The following TXNDC15 variants were observed in gnomAD, a reference collection of about 807,000 sequenced individuals.
TXNDC15 encodes thioredoxin domain containing 15.
A neutral mutation model predicts 35.0 loss-of-function variants in TXNDC15; 24 were observed. The ratio of observed to expected loss-of-function variants is 0.68; its 90% confidence interval spans 0.50 to 0.96. The LOEUF is 0.96. Ranked by LOEUF, TXNDC15 falls within the 40% of genes least tolerant of loss-of-function variation. The pLI is 0.00. For synonymous variants in TXNDC15, 169 were observed against 174.0 expected (o/e 0.97, Z 0.23); for missense variants, 385 against 453.3 (o/e 0.85, Z 1.37).
intron 4 of TXNDC15, among the ~76,000 whole-genome samples, chr5:134,897,197 G>T (rs1310529703): frequency 6.6e-6 from 1 of 152,084 alleles, no homozygotes; most frequent in Admixed American, 6.6e-5. Flanking sequence ...GCCTCCCAAA[G>T]TGCTGGGATT....
At chr5:134,874,052 C>G (rs935614930), upstream of TXNDC15, 1 of 176,862 alleles carries the variant, frequency 5.7e-6, no homozygotes, top group Non-Finnish European at 1.2e-5. Flanking sequence ...CTGGGCCTTT[C>G]TGGCTCTGGG....
intron 4 of TXNDC15, among the ~76,000 whole-genome samples, chr5:134,897,650 A>T (rs891175071): frequency 6.6e-6 from 1 of 152,236 alleles, no homozygotes; most frequent in Non-Finnish European, 1.5e-5. Flanking sequence ...TATTTACACA[A>T]AGATATGCAT....
chr5:134,891,313 A>C (rs1750383789), intron 2 of TXNDC15, among the ~76,000 whole-genome samples: 1 of 152,220 alleles, frequency 6.6e-6, no homozygotes, highest in Non-Finnish European at 1.5e-5. Flanking sequence ...AAATAATAAG[A>C]GTTAAAAGTT....
intron 1 of TXNDC15, among the ~76,000 whole-genome samples, chr5:134,884,923 C>CTT (rs374868238): frequency 5.4e-5 from 7 of 128,984 alleles, no homozygotes; most frequent in Non-Finnish European, 1.0e-4. Context: ...TATACATATT[C>CTT]TTTTTTTTTT....
In TXNDC15 at chr5:134,893,494, C is replaced by T; in HGVS notation, c.594C>T (p.Asp198=). Residue 198 remains aspartate, a splice_region_variant and synonymous_variant, in exon 3 of 5, where the codon GAC becomes GAT. Coordinates refer to ENST00000358387, the MANE Select transcript of TXNDC15 (RefSeq NM_024715.4). ...AATGCTTGTTTCTTTTACCACAGGA[C>T]CTTATGGATTTTCTGAACCCAAACG... ...FTLKILNMSQ[D]LMDFLNPNGS... 6.2e-7 allele frequency: 1 copy of T among 1,614,170 alleles called. No homozygotes were observed. The highest frequency in any genetic ancestry group is 8.5e-7 in the Non-Finnish European group (1 of 1,180,018).
Position 134,874,514 on chromosome 5 carries a change from C to A in TXNDC15, c.87C>A (p.Pro29=). 1 of 1,601,298 alleles carries A rather than the reference C, an allele frequency of 6.2e-7. No homozygotes were observed. Among genetic ancestry groups the A allele is most frequent in the Non-Finnish European group, 8.5e-7 (1 of 1,176,710 alleles). Reference sequence around the variant, plus strand: ...TATTGCTGTGGGTGCTGGGACTTCCCGTCCGCGGCGTGGAGGGTGAGTGTG... The same window carrying A: ...TATTGCTGTGGGTGCTGGGACTTCCAGTCCGCGGCGTGGAGGGTGAGTGTG... ...WQVLLWVLGL[P]VRGVEVAEES... Residue 29 remains proline (P), a synonymous_variant, in exon 1 of 5, where the codon CCC becomes CCA. Coordinates refer to ENST00000358387, the MANE Select transcript of TXNDC15 (RefSeq NM_024715.4).
At position 134,874,397 on chromosome 5, in the gene TXNDC15, G is replaced by T. The variant is rs948032264; in HGVS notation, c.-31G>T. ...TCCGGCTGGCAGCACGACTCGCGTA[G>T]CCGTGCGCCGATTGCCTCTCGGCCT... On this transcript the variant is annotated 5_prime_UTR_variant, in exon 1 of 5. Transcript: ENST00000358387. 5.1e-6 allele frequency: 8 copies of T among 1,563,824 alleles called. No homozygotes were observed. The highest frequency in any genetic ancestry group is 2.4e-5 in the East Asian group (1 of 40,854).
At chr5:134,883,750 T>TA (rs201517244) in intron 1 of TXNDC15, among the ~76,000 whole-genome samples, 3,024 of 148,560 alleles carry the variant, frequency 0.02, 49 homozygotes, top group Middle Eastern at 0.064. Context: ...CCATCTCTAC[T>TA]AAAAAAATAC....
chr5:134,875,730 C>T (rs560263173), intron 1 of TXNDC15, among the ~76,000 whole-genome samples: 1 of 151,988 alleles, frequency 6.6e-6, no homozygotes, highest in African/African-American at 2.4e-5. Context: ...AGTGCAGTGG[C>T]GCGATCTTGG....
rs776647465 is a variant in TXNDC15, at chr5:134,893,666, T to C, written c.755+11T>C. On this transcript the variant is annotated intron_variant, in intron 3 of 4. Transcript: ENST00000358387. ...ATCTCAGCACAGCAGGTATCTTCCA[T>C]TGGTGGGGTTTACGTCCATCCTCCT... is the stretch of plus-strand genomic sequence containing the variant. 61 of 1,613,862 alleles carry C rather than the reference T, an allele frequency of 3.8e-5. No individual in the cohort carries two copies. Among genetic ancestry groups the C allele is most frequent in the Non-Finnish European group, 4.7e-5 (56 of 1,179,966 alleles).
At chr5:134,877,352 G>T (rs1269361841) in intron 1 of TXNDC15, among the ~76,000 whole-genome samples, 3 of 152,198 alleles carry the variant, frequency 2.0e-5, no homozygotes, top group Admixed American at 6.5e-5. Context: ...GAATGCAGAT[G>T]CATTCACAGG....
intron 4 of TXNDC15, among the ~76,000 whole-genome samples, chr5:134,896,766 C>A (rs1216811920): frequency 6.6e-6 from 1 of 151,006 alleles, no homozygotes; most frequent in African/African-American, 2.4e-5. Context: ...GCCTCAGCCT[C>A]CCGAGTAGCT....
Position 134,893,752 on chromosome 5 carries a change from G to T in TXNDC15, c.755+97G>T, listed in dbSNP as rs1417802438. The T allele has an allele frequency of 7.4e-6, 11 of 1,488,504 alleles. No individual in the cohort carries two copies. In the East Asian group the frequency reaches 1.8e-4, roughly 25 times the overall value. 92.2% of individuals were successfully genotyped at this position (1,488,504 alleles called of 1,614,324 possible). On this transcript the variant is annotated intron_variant, in intron 3 of 4. Transcript: ENST00000358387. ...GTTAAGTTAGAAGCAGAAGAGGGGGGGCATGAACTGTGTCCTGGGATGGAA... is the reference window on the plus strand; with the variant it reads ...GTTAAGTTAGAAGCAGAAGAGGGGGTGCATGAACTGTGTCCTGGGATGGAA...
At chr5:134,886,662 C>T (rs2150187080) in intron 1 of TXNDC15, among the ~76,000 whole-genome samples, 1 of 152,370 alleles carries the variant, frequency 6.6e-6, no homozygotes, top group African/African-American at 2.4e-5. Flanking sequence ...CCAAGGGTGG[C>T]AGGCAGGAGA....
intron 2 of TXNDC15, among the ~76,000 whole-genome samples, chr5:134,890,205 CT>C (rs34212800): frequency 8.1e-5 from 12 of 147,420 alleles, no homozygotes; most frequent in Non-Finnish European, 1.1e-4. Flanking sequence ...TAATTTTTTT[CT>C]TTTTTTTTTG....
intron 2 of TXNDC15, 28 bp downstream of exon 2, chr5:134,888,210 T>G: frequency 6.4e-7 from 1 of 1,555,980 alleles, no homozygotes; most frequent in Non-Finnish European, 8.7e-7. Context: ...AGTGCTTTTC[T>G]CCTTTTCAGT....
rs1472306611 is a variant in TXNDC15, at chr5:134,899,616, G to T, written c.1014G>T (p.Met338Ile). Residue 338 changes from methionine (M) to isoleucine (I), a missense_variant, in exon 5 of 5, where the codon ATG becomes ATT. Physicochemically the swap from Met to Ile is conservative, Grantham distance 10. Transcript: ENST00000358387. ...FSLFFLISFIMYATIRTESIR... is the reference protein window; with the variant it reads ...FSLFFLISFIIYATIRTESIR... ...TATTCTTTTTAATTAGTTTTATTAT[G>T]TATGCTACCATTCGAACTGAGAGTA... 6.2e-7 allele frequency: 1 copy of T among 1,613,874 alleles called. No individual in the cohort carries two copies.
chr5:134,887,917 C>T lies in TXNDC15; in HGVS notation c.326C>T (p.Pro109Leu). 1 of 1,614,210 alleles carries T rather than the reference C, an allele frequency of 6.2e-7. No individual in the cohort carries two copies. Among genetic ancestry groups the T allele is most frequent in the Non-Finnish European group, 8.5e-7 (1 of 1,180,044 alleles). Residue 109 changes from proline (P) to leucine (L), a missense_variant, in exon 2 of 5, where the codon CCT (proline) becomes CTT (leucine). Physicochemically the swap from Pro to Leu is moderately conservative, Grantham distance 98. Coordinates refer to ENST00000358387, the MANE Select transcript of TXNDC15 (RefSeq NM_024715.4). ...GCTGAGGACAAAGTGAGTTCAGAGC[C>T]TAGCGGCGTCACCTGTGGTGCTGGA... is the stretch of plus-strand genomic sequence containing the variant. The part of the protein sequence containing the change: ...GEAEDKVSSE[P>L]SGVTCGAGGA...
chr5:134,896,529 T>A, intron 4 of TXNDC15, 105 bp downstream of exon 4: 2 of 1,411,544 alleles, frequency 1.4e-6, no homozygotes, highest in Non-Finnish European at 1.9e-6. Context: ...GATTCAAGAC[T>A]GACTTTGAGT....
Sources: allele counts gnomAD v4.1 joint callset (sites outside exome capture counted in the v4.1 genomes callset), GRCh38; gene constraint gnomAD v4.1.1; transcripts MANE v1.5; gene names NCBI Gene and HGNC (gene_info 2026-07-23, HGNC 2026-07-21).